Variants in STK10 observed in about 807,000 individuals in gnomAD.
The protein encoded by STK10 is serine/threonine kinase 10, also known as serine/threonine-protein kinase 10.
STK10 carries 78 observed loss-of-function variants against 113.8 expected under a neutral mutation model. That is an observed-to-expected ratio of 0.69 (90% CI 0.57 to 0.83). STK10 has a LOEUF of 0.83. Ranked by LOEUF, STK10 falls within the 40% of genes least tolerant of loss-of-function variation. The probability of loss-of-function intolerance (pLI) is 0.00; values close to 1 mark genes in which losing one functional copy is unlikely to be tolerated. For missense variants in STK10, 1,109 were observed against 1,280.1 expected (o/e 0.87, Z 2.04); for synonymous variants, 465 against 494.7 (o/e 0.94, Z 0.80).
At chr5:172,156,919 T>C (rs1770360341) in intron 1 of STK10, 131 bp from the exon 2 acceptor site, 5 of 1,048,776 alleles carry the variant, frequency 4.8e-6, no homozygotes, top group African/African-American at 1.6e-5. Flanking sequence ...GGAACGTACA[T>C]TGTTCTTAAC....
At chr5:172,181,505 CAG>C (rs138679878) in intron 1 of STK10, among the ~76,000 whole-genome samples, 8,511 of 148,966 alleles carry the variant, frequency 0.057, 771 homozygotes, top group African/African-American at 0.2. Context: ...TTTTTTGAGA[CAG>C]AGTCTCGCTG....
chr5:172,079,022 G>A (rs1001464686), intron 12 of STK10, among the ~76,000 whole-genome samples: 1 of 151,974 alleles, frequency 6.6e-6, no homozygotes, highest in Non-Finnish European at 1.5e-5. Context: ...GGAGGGAATG[G>A]GCATCTACCC....
At chr5:172,088,242 T>A (rs1437509996) in intron 10 of STK10, among the ~76,000 whole-genome samples, 1 of 151,928 alleles carries the variant, frequency 6.6e-6, no homozygotes, top group Non-Finnish European at 1.5e-5. Context: ...ATATGAGTAT[T>A]AGGCCGGGCG....
rs1161981600 is a variant in STK10, at chr5:172,093,700, A to T, written c.1266T>A (p.Ile422=). The change falls in exon 9 of 19, where the codon ATT becomes ATA. Residue 422 remains isoleucine, a synonymous_variant. Transcript: ENST00000176763. This position sits in a 1 kb window ranked among gnomAD's most constrained non-coding sequence, Gnocchi z 4.1. ...KSRPVSMDAR[I]QVAQEKQVAE... ...CAACTTGCTTCTCCTGGGCTACCTG[A>T]ATTCTGGCATCCATTGACACGGGTC... 6.2e-7 allele frequency: 1 copy of T among 1,614,184 alleles called. No individual in the cohort carries two copies. Among genetic ancestry groups the T allele is most frequent in the East Asian group, 2.2e-5 (1 of 44,890 alleles).
At chr5:172,178,965 C>T (rs72845178) in intron 1 of STK10, among the ~76,000 whole-genome samples, 21,970 of 152,128 alleles carry the variant, frequency 0.14, 1,598 homozygotes, top group Middle Eastern at 0.19. Flanking sequence ...CTATAATGTA[C>T]GTAACAGCTC....
intron 1 of STK10, among the ~76,000 whole-genome samples, chr5:172,172,254 T>C (rs1050226776): frequency 6.6e-6 from 1 of 152,102 alleles, no homozygotes; most frequent in African/African-American, 2.4e-5. Context: ...CCCAACGTCA[T>C]CTCCAAGGGT....
chr5:172,087,051 G>T (rs1049705644), intron 10 of STK10, among the ~76,000 whole-genome samples: 2 of 150,894 alleles, frequency 1.3e-5, no homozygotes, highest in Non-Finnish European at 2.9e-5. Context: ...ACAGAAGGTG[G>T]TTTCATCTGC....
intron 3 of STK10, among the ~76,000 whole-genome samples, chr5:172,127,148 G>A (rs576883338): frequency 6.6e-6 from 1 of 152,172 alleles, no homozygotes; most frequent in African/African-American, 2.4e-5. Flanking sequence ...TTCCAGCCTG[G>A]GCAACAGAGC....
At chr5:172,117,922 AGAATTGCTT>A (rs763330022) in intron 3 of STK10, among the ~76,000 whole-genome samples, 1 of 149,120 alleles carries the variant, frequency 6.7e-6, no homozygotes, top group Non-Finnish European at 1.5e-5. Context: ...TTGAGGCAGG[AGAATTGCTT>A]GAACCTGGGC....
At chr5:172,171,515 A>G (rs1029990120) in intron 1 of STK10, among the ~76,000 whole-genome samples, 1 of 152,040 alleles carries the variant, frequency 6.6e-6, no homozygotes, top group Non-Finnish European at 1.5e-5. Flanking sequence ...GAAATTCAAA[A>G]CCAGTCTGGC....
intron 3 of STK10, among the ~76,000 whole-genome samples, chr5:172,119,236 G>A (rs757409157): frequency 2.0e-5 from 3 of 152,156 alleles, no homozygotes; most frequent in Non-Finnish European, 4.4e-5. Flanking sequence ...CCTGGAAAGG[G>A]GAACAGACTT....
rs368760129 is a variant in STK10 at position 172,098,864 on chromosome 5, T to C, written c.871-2304A>G. ...GATATGGCAGCCATCATCATCATCA[T>C]CACCACCACCACCATCATCACCTTC... On this transcript the variant is annotated intron_variant, in intron 7 of 18. Coordinates refer to ENST00000176763, the MANE Select transcript of STK10 (RefSeq NM_005990.4). Among the ~76,000 whole-genome samples, 756 of 151,892 alleles carry C rather than the reference T, an allele frequency of 5.0e-3. 6 individuals carry two copies. The highest frequency in any genetic ancestry group is 0.017 in the African/African-American group (707 of 41,378).
In STK10 at chr5:172,061,554, T is replaced by C. The variant is rs112196390; in HGVS notation, c.2083-286A>G. On this transcript the variant is annotated intron_variant, in intron 13 of 18. Transcript: ENST00000176763. The stretch of plus-strand genomic sequence containing the variant: ...GCAACCTCTGCCTCCCGCGTTCAAG[T>C]GATTCTCCTGCCTCAGCCTCCTGAG... 8.0e-3 allele frequency: 1,883 copies of C among 235,580 alleles called. 37 individuals are homozygous for C. Among genetic ancestry groups the C allele is most frequent in the African/African-American group, 0.04 (1,772 of 43,794 alleles). The allele number at this position is 235,580 out of a possible 1,614,324, so 14.6% of individuals were successfully genotyped here.
intron 9 of STK10, among the ~76,000 whole-genome samples, chr5:172,091,434 G>C (rs901453593): frequency 1.3e-5 from 2 of 151,954 alleles, no homozygotes; most frequent in African/African-American, 4.8e-5. Context: ...ATAATACGTG[G>C]TACCCTCTGG....
At chr5:172,113,005 C>T (rs1769273810) in intron 4 of STK10, among the ~76,000 whole-genome samples, 1 of 152,204 alleles carries the variant, frequency 6.6e-6, no homozygotes, top group Non-Finnish European at 1.5e-5. Flanking sequence ...GCCTCGGCCT[C>T]CCAAAGTGCT....
intron 7 of STK10, among the ~76,000 whole-genome samples, chr5:172,101,466 T>C (rs1768987514): frequency 7.3e-6 from 1 of 137,760 alleles, no homozygotes; most frequent in Non-Finnish European, 1.5e-5. Flanking sequence ...CGAGACTCCG[T>C]CTCCAAAAAA....
At chr5:172,068,119 T>C (rs1461891675) in intron 12 of STK10, among the ~76,000 whole-genome samples, 1 of 152,102 alleles carries the variant, frequency 6.6e-6, no homozygotes, top group Non-Finnish European at 1.5e-5. Context: ...GGCGGGTGGA[T>C]CACGAGGTCA....
chr5:172,107,960 T>C (rs1228420803), intron 4 of STK10, 108 bp from the exon 5 acceptor site: 10 of 847,148 alleles, frequency 1.2e-5, no homozygotes, highest in African/African-American at 6.8e-5. Context: ...GATGCCATTT[T>C]CTATCTAGCA....
intron 7 of STK10, among the ~76,000 whole-genome samples, chr5:172,102,320 G>A (rs1434671406): frequency 6.6e-6 from 1 of 152,160 alleles, no homozygotes; most frequent in African/African-American, 2.4e-5. Flanking sequence ...ATGGTTTGGG[G>A]CCTGAGCCAC....
Sources: allele counts gnomAD v4.1 joint callset (sites outside exome capture counted in the v4.1 genomes callset), GRCh38; gene constraint gnomAD v4.1.1; non-coding constraint Gnocchi (gnomAD v3.1); transcripts MANE v1.5; gene names NCBI Gene and HGNC (gene_info 2026-07-23, HGNC 2026-07-21).